Variants in SLC9A9 observed in about 807,000 individuals in gnomAD.
The protein encoded by SLC9A9 is solute carrier family 9 member A9, also known as sodium/hydrogen exchanger 9.
In SLC9A9, 62 loss-of-function variants were observed where a neutral mutation model predicts 77.8. The observed-to-expected ratio is 0.80, with a 90% CI of 0.65 to 0.98. The LOEUF is 0.98. Ranked by LOEUF, SLC9A9 falls within the 50% of genes least tolerant of loss-of-function variation. The pLI is 0.00. For synonymous variants in SLC9A9, 320 were observed against 283.5 expected, an observed-to-expected ratio of 1.13 and a Z score of -1.29; for missense variants, 775 against 774.9, an observed-to-expected ratio of 1.00 and a Z score of 0.00.
At chr3:143,510,301 T>C (rs1163699338) in intron 9 of SLC9A9, among the ~76,000 whole-genome samples, 1 of 152,152 alleles carries the variant, frequency 6.6e-6, no homozygotes, top group African/African-American at 2.4e-5. Context: ...ATATTTGTGG[T>C]GTACTTTGTG....
At chr3:143,412,572 C>A (rs1262694696) in intron 12 of SLC9A9, among the ~76,000 whole-genome samples, 2 of 152,192 alleles carry the variant, frequency 1.3e-5, no homozygotes, top group Non-Finnish European at 2.9e-5. Context: ...TGTACACAGT[C>A]CCCCACATCT....
chr3:143,804,595 T>C lies in SLC9A9; in HGVS notation c.379-7692A>G, dbSNP rs112176643. Among the ~76,000 whole-genome samples, 486 of 152,288 alleles carry C rather than the reference T, an allele frequency of 3.2e-3. 3 individuals carry two copies. The highest frequency in any genetic ancestry group is 0.011 in the African/African-American group (473 of 41,564). On this transcript the variant is annotated intron_variant, in intron 2 of 15. Transcript: ENST00000316549. Reference sequence around the variant, plus strand: ...AGGTCTCTTCTTGCTCTGTGGATCCTCTACCTACGTGTGTCTACCTGCTAA... The same window carrying C: ...AGGTCTCTTCTTGCTCTGTGGATCCCCTACCTACGTGTGTCTACCTGCTAA...
chr3:143,272,604 G>A (rs759271825), intron 14 of SLC9A9, among the ~76,000 whole-genome samples: 1 of 152,090 alleles, frequency 6.6e-6, no homozygotes, highest in Non-Finnish European at 1.5e-5. Context: ...CTTCATTGCT[G>A]AGCAATGTCT....
chr3:143,553,345 T>C (rs1040669161), intron 8 of SLC9A9, among the ~76,000 whole-genome samples: 4 of 152,052 alleles, frequency 2.6e-5, no homozygotes, highest in Non-Finnish European at 5.9e-5. Flanking sequence ...GTACTTTGGG[T>C]TAAAGATTAG....
chr3:143,801,656 G>A, intron 2 of SLC9A9, among the ~76,000 whole-genome samples: 1 of 152,110 alleles, frequency 6.6e-6, no homozygotes, highest in East Asian at 1.9e-4. Flanking sequence ...ACTGATGGCA[G>A]CTCCATCAGG....
chr3:143,767,405 T>TGTGTGTGC (rs1297726131), intron 4 of SLC9A9, among the ~76,000 whole-genome samples: 1 of 151,840 alleles, frequency 6.6e-6, no homozygotes, highest in African/African-American at 2.4e-5. Flanking sequence ...TGTGTGTGTG[T>TGTGTGTGC]GTGTGTGTTT....
At chr3:143,275,593 ATTGT>A (rs1013421942) in intron 14 of SLC9A9, among the ~76,000 whole-genome samples, 1 of 152,050 alleles carries the variant, frequency 6.6e-6, no homozygotes, top group Non-Finnish European at 1.5e-5. Flanking sequence ...TAAGATATCA[ATTGT>A]GTTTATTCAC....
At chr3:143,748,861 G>A (rs1935266870) in intron 4 of SLC9A9, among the ~76,000 whole-genome samples, 1 of 151,314 alleles carries the variant, frequency 6.6e-6, no homozygotes, top group African/African-American at 2.4e-5. Flanking sequence ...CCGCCACCGC[G>A]CCCGGCTAAT....
intron 6 of SLC9A9, among the ~76,000 whole-genome samples, chr3:143,628,774 G>A (rs751492851): frequency 6.6e-6 from 1 of 152,072 alleles, no homozygotes; most frequent in Non-Finnish European, 1.5e-5. Context: ...CATAAAATTA[G>A]AAGACATTTT....
At chr3:143,680,751 A>G (rs1933062015) in intron 5 of SLC9A9, among the ~76,000 whole-genome samples, 1 of 152,084 alleles carries the variant, frequency 6.6e-6, no homozygotes, top group Non-Finnish European at 1.5e-5. Context: ...CTTTTATGTG[A>G]TGTTTTATTT....
intron 12 of SLC9A9, among the ~76,000 whole-genome samples, chr3:143,396,262 T>G (rs191044556): frequency 6.6e-6 from 1 of 152,298 alleles, no homozygotes; most frequent in East Asian, 1.9e-4. Flanking sequence ...TGGAATACTA[T>G]GCAGCCATAA....
rs989131858 is a variant in SLC9A9 at position 143,495,540 on chromosome 3, T to G, written c.1090-92A>C. On this transcript the variant is annotated intron_variant, in intron 9 of 15. Coordinates refer to ENST00000316549, the MANE Select transcript of SLC9A9 (RefSeq NM_173653.4). ...TAACTGTATTTGACAACTGACTGGGTCTCCTTTATCTGGAAGGCCACCCCT... is the reference window on the plus strand; with the variant it reads ...TAACTGTATTTGACAACTGACTGGGGCTCCTTTATCTGGAAGGCCACCCCT... 5.3e-6 allele frequency: 5 copies of G among 944,450 alleles called. No homozygotes were observed. The African/African-American group carries it at 8.1e-5, about 15-fold the overall frequency. The allele number at this position is 944,450 out of a possible 1,614,324, so 58.5% of individuals were successfully genotyped here. A position where few individuals can be genotyped will look rare whatever the true frequency, so the allele number is the denominator to read the frequency against.
At chr3:143,338,754 C>T (rs2032003678) in intron 14 of SLC9A9, among the ~76,000 whole-genome samples, 1 of 151,988 alleles carries the variant, frequency 6.6e-6, no homozygotes, top group South Asian at 2.1e-4. Flanking sequence ...AAAAGTATTA[C>T]CAGAGTTATG....
chr3:143,628,133 A>C (rs146506076), intron 6 of SLC9A9, among the ~76,000 whole-genome samples: 72 of 152,344 alleles, frequency 4.7e-4, no homozygotes, highest in African/African-American at 1.6e-3. Context: ...AATGTGAGCA[A>C]CTGGGGAGCA....
chr3:143,640,372 T>C (rs762865573), intron 6 of SLC9A9, among the ~76,000 whole-genome samples: 20 of 152,130 alleles, frequency 1.3e-4, no homozygotes, highest in Admixed American at 6.5e-5. Flanking sequence ...TTCTGCCTCA[T>C]GTGTACTGTA....
At chr3:143,349,078 C>T (rs1051589837) in intron 14 of SLC9A9, among the ~76,000 whole-genome samples, 1 of 152,190 alleles carries the variant, frequency 6.6e-6, no homozygotes, top group Non-Finnish European at 1.5e-5. Context: ...GCCATGGGGA[C>T]CTATTCGTTC....
intron 9 of SLC9A9, among the ~76,000 whole-genome samples, chr3:143,529,555 A>G (rs1413994671): frequency 6.6e-6 from 1 of 152,190 alleles, no homozygotes. Context: ...AATTGAACAC[A>G]TGAGAGCAGG....
At chr3:143,640,852 A>G (rs1194554656) in intron 6 of SLC9A9, among the ~76,000 whole-genome samples, 1 of 152,192 alleles carries the variant, frequency 6.6e-6, no homozygotes, top group Non-Finnish European at 1.5e-5. Context: ...ACCTTGTCTC[A>G]AAAACAAAAC....
intron 12 of SLC9A9, among the ~76,000 whole-genome samples, chr3:143,450,146 AAT>A (rs1370910397): frequency 3.1e-5 from 4 of 129,662 alleles, no homozygotes; most frequent in East Asian, 2.2e-4. Flanking sequence ...TATATAATTT[AAT>A]ATATATTATA....
Sources: gnomAD v4.1 joint callset for allele counts (sites outside exome capture counted in the v4.1 genomes callset) on GRCh38, gnomAD v4.1.1 for gene constraint, MANE v1.5 for transcripts, NCBI Gene and HGNC (gene_info 2026-07-23, HGNC 2026-07-21) for gene names.